Variants in IRAK2 observed in about 807,000 individuals in gnomAD.
IRAK2 encodes interleukin-1 receptor-associated kinase-like 2.
A neutral mutation model predicts 72.0 loss-of-function variants in IRAK2; 57 were observed. The ratio of observed to expected loss-of-function variants is 0.79; its 90% CI spans 0.64 to 0.99. IRAK2 has a LOEUF of 0.99. Ranked by LOEUF, IRAK2 falls within the 50% of genes least tolerant of loss-of-function variation. The pLI is 0.00. For missense variants in IRAK2, 790 were observed against 794.4 expected (o/e 0.99, Z 0.07); for synonymous variants, 293 against 312.7 (o/e 0.94, Z 0.67).
At chr3:10,226,252 C>T (rs1477339538) in intron 9 of IRAK2, 119 bp from the exon 10 acceptor site, 1 of 698,358 alleles carries the variant, frequency 1.4e-6, no homozygotes, top group Non-Finnish European at 2.4e-6. Flanking sequence ...GCAGGTGTGT[C>T]TGCTGGCAAT....
intron 4 of IRAK2, among the ~76,000 whole-genome samples, chr3:10,210,705 A>G (rs1697504363): frequency 6.6e-6 from 1 of 152,062 alleles, no homozygotes; most frequent in Admixed American, 6.6e-5. Context: ...TAGGCAACAC[A>G]GGGAGGCCCC....
intron 6 of IRAK2, 135 bp downstream of exon 6, chr3:10,213,683 C>A: frequency 1.5e-6 from 1 of 675,482 alleles, no homozygotes; most frequent in Non-Finnish European, 2.6e-6. Context: ...AATGTAGCTA[C>A]TATTATCACA....
chr3:10,237,946 T>TGTGTGC (rs932301569), intron 11 of IRAK2, among the ~76,000 whole-genome samples: 2 of 151,134 alleles, frequency 1.3e-5, no homozygotes, highest in Non-Finnish European at 3.0e-5. Context: ...TGTGTGTGTG[T>TGTGTGC]GTGTGTGTGT....
chr3:10,214,078 G>A (rs1156450957), intron 6 of IRAK2, among the ~76,000 whole-genome samples: 23 of 152,098 alleles, frequency 1.5e-4, no homozygotes, highest in African/African-American at 5.1e-4. Flanking sequence ...ACAGGCGTGC[G>A]CCACCAGGCC....
At chr3:10,176,016 T>A (rs1696868778) in intron 1 of IRAK2, among the ~76,000 whole-genome samples, 2 of 150,880 alleles carry the variant, frequency 1.3e-5, no homozygotes, top group Non-Finnish European at 2.9e-5. Context: ...CCTAATGGCC[T>A]TAGGAGGGTG....
chr3:10,225,509 G>A (rs1021832690), intron 9 of IRAK2, among the ~76,000 whole-genome samples: 15 of 152,220 alleles, frequency 9.9e-5, no homozygotes, highest in African/African-American at 2.4e-4. Flanking sequence ...TGACTTACAC[G>A]TATACAGGGT....
intron 1 of IRAK2, among the ~76,000 whole-genome samples, chr3:10,176,539 G>A (rs142390470): frequency 0.13 from 19,633 of 151,744 alleles, 1,602 homozygotes; most frequent in Middle Eastern, 0.18. Context: ...GTGCAGTGGC[G>A]CGATCTTGGC....
chr3:10,176,386 C>T (rs1188348499), intron 1 of IRAK2, among the ~76,000 whole-genome samples: 2 of 151,762 alleles, frequency 1.3e-5, no homozygotes, highest in Non-Finnish European at 2.9e-5. Flanking sequence ...CTGCAGCCTC[C>T]AACTCCTGGG....
intron 10 of IRAK2, among the ~76,000 whole-genome samples, chr3:10,229,025 C>G (rs946288296): frequency 4.6e-5 from 7 of 151,906 alleles, no homozygotes; most frequent in African/African-American, 1.7e-4. Flanking sequence ...CCTCCACCCC[C>G]CGGGTTCAAG....
chr3:10,195,696 G>A (rs568169841), intron 2 of IRAK2, among the ~76,000 whole-genome samples: 2 of 152,184 alleles, frequency 1.3e-5, no homozygotes, highest in South Asian at 2.1e-4. Context: ...GATCATGGGC[G>A]GTTCTGGGTG....
intron 12 of IRAK2, 117 bp downstream of exon 12, chr3:10,239,156 C>T (rs1196970338): frequency 5.2e-6 from 5 of 960,504 alleles, no homozygotes; most frequent in Non-Finnish European, 6.0e-6. Flanking sequence ...CAGCCATTCA[C>T]CAACCAGCCA....
rs763139494 is a variant in IRAK2, at chr3:10,216,985, G to C, written c.840G>C (p.Gln280His). The C allele has an allele frequency of 6.2e-7, 1 of 1,614,190 alleles. No individual in the cohort carries two copies. Among genetic ancestry groups the C allele is most frequent in the South Asian group, 1.1e-5 (1 of 91,080 alleles). ...TGCTGGGCTTCTGTGCTGCAAGACA[G>C]TTTCACAGCTTCATCTACCCCTACA... ...LPVLGFCAARQFHSFIYPYMA... is the reference protein window; with the variant it reads ...LPVLGFCAARHFHSFIYPYMA... Residue 280 changes from glutamine to histidine, a missense_variant, in exon 7 of 13, where the codon CAG (glutamine) becomes CAC (histidine). Coordinates refer to ENST00000256458, the MANE Select transcript of IRAK2 (RefSeq NM_001570.4).
chr3:10,206,465 C>T (rs1454626619), intron 3 of IRAK2, among the ~76,000 whole-genome samples: 1 of 152,236 alleles, frequency 6.6e-6, no homozygotes, highest in African/African-American at 2.4e-5. Flanking sequence ...GGCTCCAGAC[C>T]TTGTCTCAGG....
At chr3:10,210,109 C>T (rs1298836316) in intron 4 of IRAK2, among the ~76,000 whole-genome samples, 1 of 152,060 alleles carries the variant, frequency 6.6e-6, no homozygotes, top group Non-Finnish European at 1.5e-5. Context: ...TTAGTAGAGA[C>T]GGGGTCTCAC....
At chr3:10,176,217 T>C (rs1358848176) in intron 1 of IRAK2, among the ~76,000 whole-genome samples, 1 of 152,164 alleles carries the variant, frequency 6.6e-6, no homozygotes, top group Non-Finnish European at 1.5e-5. Flanking sequence ...TTTGTATCCA[T>C]GGCTCTCTGA....
intron 3 of IRAK2, among the ~76,000 whole-genome samples, chr3:10,203,568 A>T (rs973734260): frequency 1.3e-5 from 2 of 152,186 alleles, no homozygotes; most frequent in African/African-American, 4.8e-5. Flanking sequence ...TCCCTGTGAT[A>T]CCCTGGCTCC....
chr3:10,169,206 G>A (rs1236406752), intron 1 of IRAK2, among the ~76,000 whole-genome samples: 1 of 152,156 alleles, frequency 6.6e-6, no homozygotes, highest in African/African-American at 2.4e-5. Context: ...AGGCAAAGGT[G>A]AAATTAGAAT....
intron 2 of IRAK2, among the ~76,000 whole-genome samples, chr3:10,199,800 C>T (rs931220314): frequency 1.3e-5 from 2 of 151,560 alleles, no homozygotes; most frequent in Non-Finnish European, 2.9e-5. Flanking sequence ...GGAGGTCACA[C>T]AGCTGGTTGG....
intron 3 of IRAK2, among the ~76,000 whole-genome samples, chr3:10,202,484 G>A (rs147248177): frequency 6.6e-6 from 1 of 152,076 alleles, no homozygotes; most frequent in Non-Finnish European, 1.5e-5. Context: ...TTGGCCGGGC[G>A]TGGTGGCGGG....
Sources: allele counts gnomAD v4.1 joint callset (sites outside exome capture counted in the v4.1 genomes callset), GRCh38; gene constraint gnomAD v4.1.1; transcripts MANE v1.5; gene names NCBI Gene and HGNC (gene_info 2026-07-23, HGNC 2026-07-21).